The following RYR2 variants were observed in gnomAD, a reference collection of about 807,000 sequenced individuals.
RYR2 encodes the protein ryanodine receptor 2.
In RYR2, 227 loss-of-function variants were observed where a neutral mutation model predicts 601.1. The ratio of observed to expected loss-of-function variants is 0.38; its 90% CI spans 0.34 to 0.42. The LOEUF is 0.42. RYR2 is among the 10% of genes least tolerant of loss of function. The pLI is 1.00. For missense variants in RYR2, 4,646 were observed against 6,156.5 expected (o/e 0.75, Z 8.21); for synonymous variants, 2,223 against 2,175.1 (o/e 1.02, Z -0.61).
intron 2 of RYR2, among the ~76,000 whole-genome samples, chr1:237,281,899 G>A (rs574452345): frequency 3.3e-5 from 5 of 152,292 alleles, no homozygotes; most frequent in Non-Finnish European, 7.4e-5. Flanking sequence ...GCTGAATTAA[G>A]TGAATGTTTG....
Position 237,432,109 on chromosome 1 carries a change from T to TTTTA in RYR2, c.1005+8861_1005+8862insTTTA, listed in dbSNP as rs535979283. Among the ~76,000 whole-genome samples, 295 of 151,348 alleles carry TTTTA rather than the reference T, an allele frequency of 1.9e-3. 1 individual carries two copies. The highest frequency in any genetic ancestry group is 6.6e-3 in the African/African-American group (271 of 41,266). Reference sequence around the variant, plus strand: ...TTTTTAGCAAATGGTCTTTTTTTTTTATTCATTTCTTGGAACGCATGTGGC... The same window carrying TTTTA: ...TTTTTAGCAAATGGTCTTTTTTTTTTTTTAATTCATTTCTTGGAACGCATGTGGC... On this transcript the variant is annotated intron_variant, in intron 12 of 104. Coordinates refer to ENST00000366574, the MANE Select transcript of RYR2 (RefSeq NM_001035.3).
chr1:237,285,215 T>G (rs968605681), intron 2 of RYR2, among the ~76,000 whole-genome samples: 3 of 152,186 alleles, frequency 2.0e-5, no homozygotes, highest in African/African-American at 7.2e-5. Context: ...TGTATGCTGA[T>G]TTTGCTGAGT....
chr1:237,686,368 G>T (rs1686393821), intron 62 of RYR2, among the ~76,000 whole-genome samples: 1 of 152,130 alleles, frequency 6.6e-6, no homozygotes, highest in Admixed American at 6.5e-5. Flanking sequence ...TTTGCAAATG[G>T]CCCCTGAGAG....
intron 66 of RYR2, among the ~76,000 whole-genome samples, chr1:237,703,679 A>G (rs1249735165): frequency 6.6e-6 from 1 of 150,394 alleles, no homozygotes; most frequent in Non-Finnish European, 1.5e-5. Context: ...GAATTTTTAT[A>G]TAATCAAATT....
chr1:237,338,149 T>C (rs1337528311), intron 3 of RYR2, among the ~76,000 whole-genome samples: 2 of 152,134 alleles, frequency 1.3e-5, no homozygotes, highest in African/African-American at 4.8e-5. Context: ...TACCCTATCA[T>C]GGATGTGCTG....
At chr1:237,495,690 G>T (rs935152403) in intron 19 of RYR2, among the ~76,000 whole-genome samples, 3 of 152,036 alleles carry the variant, frequency 2.0e-5, no homozygotes, top group Admixed American at 2.0e-4. Flanking sequence ...TATTTTTTCT[G>T]TTCACAGTGA....
At chr1:237,770,677 C>A in intron 84 of RYR2, 130 bp from the exon 85 acceptor site, 1 of 553,844 alleles carries the variant, frequency 1.8e-6, no homozygotes, top group Non-Finnish European at 3.4e-6. Context: ...AGAAAAGTGG[C>A]TATGACTTGT....
Position 237,705,257 on chromosome 1 carries a change from CT to C in RYR2, c.9498del (p.Pro3167LeufsTer2). 6.2e-7 allele frequency: 1 copy of C among 1,607,080 alleles called. No individual in the cohort carries two copies. The highest frequency in any genetic ancestry group is 8.5e-7 in the Non-Finnish European group (1 of 1,175,956). ...GAATGTCTAGCTGCCTTTGCTGGTGCTTTTCCTGTAGCATTTTTGGAAACTC... is the reference window on the plus strand; with the variant it reads ...GAATGTCTAGCTGCCTTTGCTGGTGCTTTCCTGTAGCATTTTTGGAAACTC... The part of the protein sequence containing the change: ...LGECLAAFAG[A>X]FPVAFLETHL... On this transcript the variant is annotated frameshift_variant, in exon 67 of 105. Coordinates refer to ENST00000366574, the MANE Select transcript of RYR2 (RefSeq NM_001035.3). LOFTEE classifies it high-confidence loss of function.
At chr1:237,455,622 G>A (rs1244368543) in intron 15 of RYR2, among the ~76,000 whole-genome samples, 1 of 152,094 alleles carries the variant, frequency 6.6e-6, no homozygotes, top group Non-Finnish European at 1.5e-5. Context: ...ACCAGAAAGG[G>A]TTATTACTAG....
chr1:237,282,378 A>G (rs967929355), intron 2 of RYR2, among the ~76,000 whole-genome samples: 2 of 152,208 alleles, frequency 1.3e-5, no homozygotes, highest in African/African-American at 4.8e-5. Context: ...TTCATGTGCC[A>G]TAAAATATTT....
Position 237,309,716 on chromosome 1 carries a change from C to T in RYR2, c.169-21162C>T, listed in dbSNP as rs1039008697. 7.7e-4 allele frequency among the ~76,000 whole-genome samples: 117 copies of T among 152,262 alleles called. 1 individual carries two copies. The highest frequency in any genetic ancestry group is 2.6e-3 in the African/African-American group (110 of 41,560). On this transcript the variant is annotated intron_variant, in intron 2 of 104. Coordinates refer to ENST00000366574, the MANE Select transcript of RYR2 (RefSeq NM_001035.3). ...TCGGGGAGGCTCGGACACGCAGGAG[C>T]CCATGGCCGGGGGGAGGCTCGGGCA...
chr1:237,351,627 C>A (rs1571935621), intron 3 of RYR2, among the ~76,000 whole-genome samples: 1 of 151,476 alleles, frequency 6.6e-6, no homozygotes, highest in South Asian at 2.1e-4. Flanking sequence ...GTTTACCAAC[C>A]CTAACACTAG....
intron 101 of RYR2, among the ~76,000 whole-genome samples, chr1:237,820,392 G>A (rs763638224): frequency 4.6e-5 from 7 of 152,034 alleles, no homozygotes; most frequent in Admixed American, 1.3e-4. Flanking sequence ...GCAGGGTGGC[G>A]TGTCATCTCA....
chr1:237,675,413 C>T (rs1685309871), intron 60 of RYR2, among the ~76,000 whole-genome samples: 1 of 152,132 alleles, frequency 6.6e-6, no homozygotes. Flanking sequence ...ATGAAAGCAG[C>T]CTCCGGTCAC....
chr1:237,436,454 C>CTTTT lies in RYR2; in HGVS notation c.1006-4844_1006-4841dup, dbSNP rs551140501. ...AGCCGAGGGATAATGTGTGATTTTC[C>CTTTT]TTTTTTTTTTTTTTTTTTTTTTTTG... On this transcript the variant is annotated intron_variant, in intron 12 of 104. Transcript: ENST00000366574. 8.4e-4 allele frequency among the ~76,000 whole-genome samples: 41 copies of CTTTT among 48,722 alleles called. 1 individual carries two copies. The highest frequency in any genetic ancestry group is 1.6e-3 in the African/African-American group (16 of 10,160). 32.0% of individuals were successfully genotyped at this position (48,722 alleles called of 152,430 possible). A position where few individuals can be genotyped will look rare whatever the true frequency, so the allele number is the denominator to read the frequency against.
At chr1:237,492,823 G>A in intron 18 of RYR2, 131 bp from the exon 19 acceptor site, 1 of 750,296 alleles carries the variant, frequency 1.3e-6, no homozygotes, top group Non-Finnish European at 1.8e-6. Flanking sequence ...GATGCTGTCT[G>A]AAAGGAAGGA....
In RYR2 at chr1:237,643,053, C is replaced by T. The variant is rs112345899; in HGVS notation, c.7222-274C>T. 4.0e-3 allele frequency among the ~76,000 whole-genome samples: 614 copies of T among 152,180 alleles called. 1 individual carries two copies. The highest frequency in any genetic ancestry group is 0.022 in the East Asian group (115 of 5,182). On this transcript the variant is annotated intron_variant, in intron 47 of 104. Coordinates refer to ENST00000366574, the MANE Select transcript of RYR2 (RefSeq NM_001035.3). ...GATTCTCAGTATATCTTAACAGTCC[C>T]CAAAAGGATAAAAACTATTATTCTA... is the stretch of plus-strand genomic sequence containing the variant.
chr1:237,477,732 G>C (rs114416907), intron 17 of RYR2, among the ~76,000 whole-genome samples: 1 of 152,182 alleles, frequency 6.6e-6, no homozygotes, highest in African/African-American at 2.4e-5. Context: ...TCTGAGTTCA[G>C]AGGTGCTTCT....
At chr1:237,144,534 A>G (rs1673768495) in intron 1 of RYR2, among the ~76,000 whole-genome samples, 5 of 152,230 alleles carry the variant, frequency 3.3e-5, no homozygotes, top group Admixed American at 3.3e-4. Context: ...TGGGTCACAG[A>G]GCTGACAGAA....
Sources: allele counts gnomAD v4.1 joint callset (sites outside exome capture counted in the v4.1 genomes callset), GRCh38; gene constraint gnomAD v4.1.1; transcripts MANE v1.5; gene names NCBI Gene and HGNC (gene_info 2026-07-23, HGNC 2026-07-21).